Variants in CECR2 observed in about 807,000 individuals in gnomAD.
CECR2 encodes CECR2 histone acetyl-lysine reader, also known as chromatin remodeling regulator CECR2.
In CECR2, 30 loss-of-function variants were observed where a neutral mutation model predicts 154.5. The observed-to-expected ratio is 0.19, with a 90% CI of 0.15 to 0.26. The LOEUF (loss-of-function observed/expected upper bound fraction) is 0.26. Among genes scored for constraint, CECR2 ranks in the 10% least tolerant of loss-of-function variants. The probability of loss-of-function intolerance (pLI) is 1.00; values close to 1 mark genes in which losing one functional copy is unlikely to be tolerated. For missense variants in CECR2, 1,743 were observed against 1,829.3 expected (o/e 0.95, Z 0.86); for synonymous variants, 725 against 683.7 (o/e 1.06, Z -0.94).
chr22:17,529,003 G>A (rs946575639), intron 9 of CECR2, among the ~76,000 whole-genome samples: 1 of 152,182 alleles, frequency 6.6e-6, no homozygotes, highest in Non-Finnish European at 1.5e-5. Flanking sequence ...GGCTGTGGCA[G>A]GAGGACCCCT....
intron 2 of CECR2, among the ~76,000 whole-genome samples, chr22:17,493,790 G>A (rs2055572640): frequency 6.6e-6 from 1 of 152,200 alleles, no homozygotes; most frequent in Non-Finnish European, 1.5e-5. Flanking sequence ...AGTGTTTGTG[G>A]GCTGGTATGC....
rs1466756683 is a variant in CECR2 at position 17,428,830 on chromosome 22, A to G, written c.127-48758A>G. 1.2e-4 allele frequency among the ~76,000 whole-genome samples: 7 copies of G among 59,718 alleles called. No homozygotes were observed. The South Asian group carries it at 2.3e-3, about 20-fold the overall frequency. 39.2% of individuals were successfully genotyped at this position (59,718 alleles called of 152,430 possible). On this transcript the variant is annotated intron_variant, in intron 1 of 18. Coordinates refer to ENST00000262608, the MANE Select transcript of CECR2 (RefSeq NM_001290047.2). Reference sequence around the variant, plus strand: ...TGTGTGTGTGTGTGTGTGTGTGTATATAAAGGCAGCAGAGTCATCTGGGAA... The same window carrying G: ...TGTGTGTGTGTGTGTGTGTGTGTATGTAAAGGCAGCAGAGTCATCTGGGAA...
chr22:17,481,667 T>C (rs1409349567), intron 2 of CECR2, among the ~76,000 whole-genome samples: 2 of 152,214 alleles, frequency 1.3e-5, no homozygotes, highest in East Asian at 1.9e-4. Flanking sequence ...GCAGACCTCA[T>C]GTACGACAGT....
intron 1 of CECR2, among the ~76,000 whole-genome samples, chr22:17,467,302 G>A (rs748081580): frequency 2.6e-5 from 4 of 152,118 alleles, no homozygotes; most frequent in South Asian, 2.1e-4. Flanking sequence ...GTGAACAATC[G>A]GAACACGTGT....
At chr22:17,517,260 G>A (rs373994305) in intron 8 of CECR2, among the ~76,000 whole-genome samples, 3,081 of 152,260 alleles carry the variant, frequency 0.02, 102 homozygotes, top group African/African-American at 0.071. Context: ...CTCTTGCTTC[G>A]CTGTGCTAAG....
chr22:17,462,847 G>A (rs2054964188), intron 1 of CECR2, among the ~76,000 whole-genome samples: 1 of 152,174 alleles, frequency 6.6e-6, no homozygotes, highest in Non-Finnish European at 1.5e-5. Flanking sequence ...GGGAGGTGGA[G>A]GTTGCAGTGA....
chr22:17,513,006 A>T (rs2055987008), intron 8 of CECR2, among the ~76,000 whole-genome samples: 2 of 152,284 alleles, frequency 1.3e-5, no homozygotes, highest in East Asian at 1.9e-4. Context: ...ATATAATGTT[A>T]GGTGAAGAAA....
intron 1 of CECR2, among the ~76,000 whole-genome samples, chr22:17,472,316 C>T (rs2055140632): frequency 6.6e-6 from 1 of 152,202 alleles, no homozygotes. Context: ...CTGTCAAAGT[C>T]AGGGGAGCCT....
At chr22:17,362,490 A>G (rs912527169) in intron 1 of CECR2, among the ~76,000 whole-genome samples, 11 of 152,252 alleles carry the variant, frequency 7.2e-5, no homozygotes, top group African/African-American at 2.2e-4. Flanking sequence ...TCCTGTAAAT[A>G]TACAATATAG....
At chr22:17,529,657 C>G (rs1443250583) in intron 9 of CECR2, among the ~76,000 whole-genome samples, 5 of 151,508 alleles carry the variant, frequency 3.3e-5, no homozygotes, top group African/African-American at 9.7e-5. Flanking sequence ...CCGAGATCGC[C>G]CCACCGCACT....
At chr22:17,533,323 CAA>C (rs142402299) in intron 9 of CECR2, among the ~76,000 whole-genome samples, 36 of 96,976 alleles carry the variant, frequency 3.7e-4, no homozygotes, top group Admixed American at 5.9e-4. Flanking sequence ...ACTCTATCTC[CAA>C]AAAAAAAAAA....
rs1253781318 is a variant in CECR2 at position 17,369,737 on chromosome 22, G to T, written c.-47G>T. 6.7e-6 allele frequency: 1 copy of T among 149,526 alleles called. No homozygotes were observed. Among genetic ancestry groups the T allele is most frequent in the Non-Finnish European group, 1.5e-5 (1 of 67,184 alleles). The allele number at this position is 149,526 out of a possible 1,614,324, so 9.3% of individuals were successfully genotyped here. A position where few individuals can be genotyped will look rare whatever the true frequency, so the allele number is the denominator to read the frequency against. ...CGCGGCGGGAGTCCCAGGTCGGCGGGCAGAGCGCGGGCAGCGAGGGGCCGC... is the reference window on the plus strand; with the variant it reads ...CGCGGCGGGAGTCCCAGGTCGGCGGTCAGAGCGCGGGCAGCGAGGGGCCGC... On this transcript the variant is annotated 5_prime_UTR_variant, in exon 1 of 19. Coordinates refer to ENST00000262608, the MANE Select transcript of CECR2 (RefSeq NM_001290047.2).
intron 7 of CECR2, among the ~76,000 whole-genome samples, chr22:17,505,221 G>C (rs2055817240): frequency 1.3e-5 from 2 of 151,782 alleles, no homozygotes; most frequent in Admixed American, 1.3e-4. Context: ...CCTTCCCCCA[G>C]AAAGTCCTCA....
intron 16 of CECR2, among the ~76,000 whole-genome samples, chr22:17,547,443 G>C (rs747933413): frequency 1.3e-5 from 2 of 152,082 alleles, no homozygotes; most frequent in Non-Finnish European, 2.9e-5. Context: ...TGTTAGCCAG[G>C]ATGGTCTCAA....
intron 2 of CECR2, among the ~76,000 whole-genome samples, chr22:17,488,568 C>T (rs962716415): frequency 6.6e-6 from 1 of 152,216 alleles, no homozygotes; most frequent in Non-Finnish European, 1.5e-5. Flanking sequence ...AATGAACTCA[C>T]ATCAGCTTCT....
chr22:17,394,609 T>G (rs35569848), intron 1 of CECR2, among the ~76,000 whole-genome samples: 1 of 152,172 alleles, frequency 6.6e-6, no homozygotes, highest in Non-Finnish European at 1.5e-5. Flanking sequence ...GTGTGAGTCC[T>G]CCTCCTTTTT....
At chr22:17,423,937 T>C (rs2054294527) in intron 1 of CECR2, among the ~76,000 whole-genome samples, 1 of 152,246 alleles carries the variant, frequency 6.6e-6, no homozygotes, top group African/African-American at 2.4e-5. Flanking sequence ...TAGCATCGTT[T>C]TAAAGCCTCA....
intron 9 of CECR2, among the ~76,000 whole-genome samples, chr22:17,533,185 G>A (rs1172439354): frequency 6.6e-6 from 1 of 151,584 alleles, no homozygotes; most frequent in East Asian, 2.0e-4. Context: ...ACATGTTGGT[G>A]CACTTCTGTA....
intron 16 of CECR2, among the ~76,000 whole-genome samples, chr22:17,544,536 C>T (rs1016594577): frequency 1.5e-4 from 22 of 146,356 alleles, no homozygotes; most frequent in African/African-American, 4.6e-4. Flanking sequence ...ATTAGCCAGG[C>T]GTGGTGGCTC....
Sources: allele counts gnomAD v4.1 joint callset (sites outside exome capture counted in the v4.1 genomes callset), GRCh38; gene constraint gnomAD v4.1.1; transcripts MANE v1.5; gene names NCBI Gene and HGNC (gene_info 2026-07-23, HGNC 2026-07-21).